RPUSD2: variants seen among roughly 807,000 people sequenced by gnomAD.
The protein encoded by RPUSD2 is RNA pseudouridine synthase domain containing 2, also known as pseudouridylate synthase RPUSD2.
In RPUSD2, 31 loss-of-function variants were observed where a neutral mutation model predicts 41.5. The ratio of observed to expected loss-of-function variants is 0.75; its 90% CI spans 0.56 to 1.01. The LOEUF (loss-of-function observed/expected upper bound fraction) is 1.01, where lower values mean the gene tolerates loss of function less well. Ranked by LOEUF, RPUSD2 falls within the 50% of genes least tolerant of loss-of-function variation. The pLI is 0.00. For synonymous variants in RPUSD2, 305 were observed against 289.7 expected (o/e 1.05, Z -0.54); for missense variants, 749 against 724.7 (o/e 1.03, Z -0.38).
rs771102593 is a variant in RPUSD2 at position 40,573,516 on chromosome 15, C to A, written c.904-11C>A. The A allele has an allele frequency of 1.2e-6, 2 of 1,603,420 alleles. No individual in the cohort carries two copies. The highest frequency in any genetic ancestry group is 1.3e-5 in the African/African-American group (1 of 74,880). ...TTTGTACTGACTTTCTCCCTCTTCC[C>A]TCCTATGTAGCTGGAGAAGGAGTAC... On this transcript the variant is annotated splice_polypyrimidine_tract_variant and intron_variant, in intron 2 of 2. Coordinates refer to ENST00000315616, the MANE Select transcript of RPUSD2 (RefSeq NM_152260.3).
At position 40,574,484 on chromosome 15, in the gene RPUSD2, G is replaced by C; in HGVS notation, c.*223G>C. The C allele has an allele frequency of 6.8e-6, 3 of 443,684 alleles. No homozygotes were observed. Among genetic ancestry groups the C allele is most frequent in the Non-Finnish European group, 1.2e-5 (3 of 252,584 alleles). The allele number at this position is 443,684 out of a possible 1,614,324, so 27.5% of individuals were successfully genotyped here. On this transcript the variant is annotated 3_prime_UTR_variant, in exon 3 of 3. Transcript: ENST00000315616. The stretch of plus-strand genomic sequence containing the variant: ...CATCTTTGATGTCTGGTTTTCTTCC[G>C]GCTTCTTTTTTATTACTGATGTAAA...
intron 2 of RPUSD2, among the ~76,000 whole-genome samples, chr15:40,572,723 C>T (rs189272345): frequency 5.4e-4 from 82 of 152,282 alleles, no homozygotes; most frequent in African/African-American, 1.9e-3. Flanking sequence ...TAGAACAAGA[C>T]TCCGTCTCAA....
rs765159787 is a variant in RPUSD2, at chr15:40,573,875, G to A, written c.1252G>A (p.Glu418Lys). 1.2e-6 allele frequency: 2 copies of A among 1,614,182 alleles called. No homozygotes were observed. The highest frequency in any genetic ancestry group is 2.2e-5 in the South Asian group (2 of 91,086). ...NEELLRDLVAEHQAKQSLDVL... is the reference protein window; with the variant it reads ...NEELLRDLVAKHQAKQSLDVL... Reference sequence around the variant, plus strand: ...GGAGTTGCTACGGGACCTGGTAGCAGAGCACCAGGCCAAACAGAGCCTGGA... The same window carrying A: ...GGAGTTGCTACGGGACCTGGTAGCAAAGCACCAGGCCAAACAGAGCCTGGA... Residue 418 changes from glutamate (E) to lysine (K), a missense_variant, in exon 3 of 3, where the codon GAG becomes AAG. Physicochemically the swap from Glu to Lys is moderately conservative, Grantham distance 56. Transcript: ENST00000315616.
Position 40,569,857 on chromosome 15 carries a change from C to A in RPUSD2, c.520C>A (p.Pro174Thr). The A allele has an allele frequency of 6.2e-7, 1 of 1,610,716 alleles. No individual in the cohort carries two copies. Among genetic ancestry groups the A allele is most frequent in the Non-Finnish European group, 8.5e-7 (1 of 1,178,802 alleles). Residue 174 changes from proline to threonine, a missense_variant, in exon 1 of 3, where the codon CCC becomes ACC. Coordinates refer to ENST00000315616, the MANE Select transcript of RPUSD2 (RefSeq NM_152260.3). ...HVFSTEFRAQ[P>T]LAYYEAAVRA... ...CTTCAGTACCGAGTTCCGAGCTCAG[C>A]CCCTGGCCTACTATGAGGCCGCGGT...
At position 40,569,550 on chromosome 15, in the gene RPUSD2, C is replaced by T. The variant is rs1891087650; in HGVS notation, c.213C>T (p.Pro71=). Residue 71 remains proline, a synonymous_variant, in exon 1 of 3, where the codon CCC becomes CCT. Transcript: ENST00000315616. The part of the protein sequence containing the change: ...GDAKVELSPG[P]PKPAGREVEP... Reference sequence around the variant, plus strand: ...CGAAGGTTGAGCTGTCCCCCGGGCCCCCGAAGCCGGCTGGCCGGGAAGTGG... The same window carrying T: ...CGAAGGTTGAGCTGTCCCCCGGGCCTCCGAAGCCGGCTGGCCGGGAAGTGG... 6.5e-7 allele frequency: 1 copy of T among 1,535,556 alleles called. No homozygotes were observed. The highest frequency in any genetic ancestry group is 1.4e-5 in the African/African-American group (1 of 72,530).
At chr15:40,572,036 G>GATAT in intron 2 of RPUSD2, 136 bp downstream of exon 2, 1 of 914,480 alleles carries the variant, frequency 1.1e-6, no homozygotes, top group African/African-American at 1.7e-5. Context: ...CTTAAGGCAG[G>GATAT]TCAACACCTA....
At chr15:40,570,140 T>C in intron 1 of RPUSD2, 197 bp downstream of exon 1, 1 of 666,212 alleles carries the variant, frequency 1.5e-6, no homozygotes, top group East Asian at 3.0e-5. Flanking sequence ...GTGTCTGTGC[T>C]TCAGGACTCA....
rs1232521434 is a variant in RPUSD2 at position 40,573,938 on chromosome 15, C to T, written c.1315C>T (p.Leu439Phe). The change falls in exon 3 of 3, where the codon CTC (leucine) becomes TTC (phenylalanine). Residue 439 changes from leucine (L) to phenylalanine (F), a missense_variant. By Grantham distance (22) the Leu-to-Phe change is conservative. Coordinates refer to ENST00000315616, the MANE Select transcript of RPUSD2 (RefSeq NM_152260.3). ...DLCEGDLSPGLTDSTAPSSEL... is the reference protein window; with the variant it reads ...DLCEGDLSPGFTDSTAPSSEL... ...CTGTGAGGGTGACCTGTCCCCAGGA[C>T]TCACAGACTCTACGGCCCCCTCCTC... 2 of 1,614,150 alleles carry T rather than the reference C, an allele frequency of 1.2e-6. No individual in the cohort carries two copies. Among genetic ancestry groups the T allele is most frequent in the Admixed American group, 1.7e-5 (1 of 60,022 alleles).
rs760943228 is a variant in RPUSD2, at chr15:40,571,690, T to C, written c.693T>C (p.Asp231=). ...TTCGCCTGCTAGCTGAGAACGAAGATGTGGTGGTTGTAGACAAGCCTTCCT... is the reference window on the plus strand; with the variant it reads ...TTCGCCTGCTAGCTGAGAACGAAGACGTGGTGGTTGTAGACAAGCCTTCCT... ...EPIRLLAENE[D]VVVVDKPSSI... is the part of the protein sequence containing the mutation. The change falls in exon 2 of 3, where the codon GAT becomes GAC. Residue 231 remains aspartate (D), a synonymous_variant. Transcript: ENST00000315616. 140 of 1,614,102 alleles carry C rather than the reference T, an allele frequency of 8.7e-5. No individual in the cohort carries two copies. The highest frequency in any genetic ancestry group is 1.2e-4 in the Non-Finnish European group (138 of 1,180,042).
At position 40,569,917 on chromosome 15, in the gene RPUSD2, G is replaced by A. The variant is rs1891102673; in HGVS notation, c.580G>A (p.Val194Met). The A allele has an allele frequency of 6.4e-7, 1 of 1,558,198 alleles. No homozygotes were observed. Residue 194 changes from valine to methionine, a missense_variant, in exon 1 of 3, where the codon GTG becomes ATG. Val to Met is a conservative substitution (Grantham distance 21). Transcript: ENST00000315616. ...AGRLQLNEKP[V>M]QDLNIVLKDN... is the part of the protein sequence containing the mutation. ...CCGCCTGCAACTCAACGAGAAGCCGGTGCAGGACCTCAACATCGTGCTCAA... is the reference window on the plus strand; with the variant it reads ...CCGCCTGCAACTCAACGAGAAGCCGATGCAGGACCTCAACATCGTGCTCAA...
At chr15:40,570,924 G>T (rs566045779) in intron 1 of RPUSD2, among the ~76,000 whole-genome samples, 1 of 151,854 alleles carries the variant, frequency 6.6e-6, no homozygotes, top group Non-Finnish European at 1.5e-5. Context: ...AGTTTTGTTT[G>T]TTCAAGATCG....
chr15:40,573,956 C>G lies in RPUSD2; in HGVS notation c.1333C>G (p.Pro445Ala). 6.2e-7 allele frequency: 1 copy of G among 1,614,140 alleles called. No homozygotes were observed. The highest frequency in any genetic ancestry group is 8.5e-7 in the Non-Finnish European group (1 of 1,180,030). Residue 445 changes from proline (P) to alanine (A), a missense_variant, in exon 3 of 3, where the codon CCC (proline) becomes GCC (alanine). Pro to Ala is a conservative substitution (Grantham distance 27). Coordinates refer to ENST00000315616, the MANE Select transcript of RPUSD2 (RefSeq NM_152260.3). Reference sequence around the variant, plus strand: ...CCCAGGACTCACAGACTCTACGGCCCCCTCCTCAGAGTTGGGCAAGGACGA... The same window carrying G: ...CCCAGGACTCACAGACTCTACGGCCGCCTCCTCAGAGTTGGGCAAGGACGA... Reference protein sequence around the residue: ...LSPGLTDSTAPSSELGKDDLE... With the variant: ...LSPGLTDSTAASSELGKDDLE...
In RPUSD2 at chr15:40,569,835, C is replaced by T. The variant is rs751887932; in HGVS notation, c.498C>T (p.Phe166=). The part of the protein sequence containing the change: ...RWVGHSLLHV[F]STEFRAQPLA... Reference sequence around the variant, plus strand: ...TGGGCCACAGCTTGCTGCACGTCTTCAGTACCGAGTTCCGAGCTCAGCCCC... The same window carrying T: ...TGGGCCACAGCTTGCTGCACGTCTTTAGTACCGAGTTCCGAGCTCAGCCCC... Residue 166 remains phenylalanine (F), a synonymous_variant, in exon 1 of 3, where the codon TTC becomes TTT. Transcript: ENST00000315616. 6.2e-7 allele frequency: 1 copy of T among 1,612,930 alleles called. No individual in the cohort carries two copies. Among genetic ancestry groups the T allele is most frequent in the East Asian group, 2.2e-5 (1 of 44,852 alleles).
At position 40,574,427 on chromosome 15, in the gene RPUSD2, T is replaced by G. The variant is rs1891213408; in HGVS notation, c.*166T>G. 2 of 763,382 alleles carry G rather than the reference T, an allele frequency of 2.6e-6. No individual in the cohort carries two copies. The highest frequency in any genetic ancestry group is 4.0e-6 in the Non-Finnish European group (2 of 497,416). 47.3% of individuals were successfully genotyped at this position (763,382 alleles called of 1,614,324 possible). A position where few individuals can be genotyped will look rare whatever the true frequency, so the allele number is the denominator to read the frequency against. On this transcript the variant is annotated 3_prime_UTR_variant, in exon 3 of 3. Transcript: ENST00000315616. The stretch of plus-strand genomic sequence containing the variant: ...CTCCTTCCAGTGGGAATTTGGAGAC[T>G]TTTTGGTTTGTAAATATATCCCTTT...
At chr15:40,570,039 T>C in intron 1 of RPUSD2, 96 bp downstream of exon 1, 1 of 1,398,972 alleles carries the variant, frequency 7.1e-7, no homozygotes, top group Non-Finnish European at 9.4e-7. Flanking sequence ...AAAGCATAGG[T>C]ACTGGATTAA....
chr15:40,570,076 G>C, intron 1 of RPUSD2, 133 bp downstream of exon 1: 1 of 1,256,148 alleles, frequency 8.0e-7, no homozygotes, highest in South Asian at 1.7e-5. Context: ...AAGCGTTCTC[G>C]CTTTCATTTG....
chr15:40,573,181 C>T (rs1157112573), intron 2 of RPUSD2, among the ~76,000 whole-genome samples: 1 of 152,020 alleles, frequency 6.6e-6, no homozygotes, highest in Non-Finnish European at 1.5e-5. Context: ...TGCGCCACCA[C>T]GCCTGGCTAA....
Position 40,571,668 on chromosome 15 carries a change from G to A in RPUSD2, c.671G>A (p.Arg224His), listed in dbSNP as rs556912818. Residue 224 changes from arginine (R) to histidine (H), a missense_variant, in exon 2 of 3, where the codon CGC becomes CAC. By Grantham distance (29) the Arg-to-His change is conservative (BLOSUM62 0). Transcript: ENST00000315616. ...HEPPVTAEPIRLLAENEDVVV... is the reference protein window; with the variant it reads ...HEPPVTAEPIHLLAENEDVVV... Reference sequence around the variant, plus strand: ...CCACCAGTCACAGCAGAGCCCATTCGCCTGCTAGCTGAGAACGAAGATGTG... The same window carrying A: ...CCACCAGTCACAGCAGAGCCCATTCACCTGCTAGCTGAGAACGAAGATGTG... The A allele has an allele frequency of 3.5e-5, 56 of 1,614,100 alleles. No homozygotes were observed. Among genetic ancestry groups the A allele is most frequent in the Admixed American group, 2.2e-4 (13 of 60,014 alleles).
rs768904270 is a variant in RPUSD2 at position 40,571,800 on chromosome 15, A to G, written c.803A>G (p.His268Arg). Reference protein sequence around the residue: ...LGKEHQLKELHPLHRLDRLTS... With the variant: ...LGKEHQLKELRPLHRLDRLTS... ...AAGGAGCACCAACTCAAGGAGCTAC[A>G]CCCCTTGCATCGGCTTGACCGCCTT... Residue 268 changes from histidine to arginine, a missense_variant, in exon 2 of 3, where the codon CAC becomes CGC. Physicochemically the swap from His to Arg is conservative, Grantham distance 29 (BLOSUM62 0). Transcript: ENST00000315616. 1 of 1,614,068 alleles carries G rather than the reference A, an allele frequency of 6.2e-7. No homozygotes were observed. Among genetic ancestry groups the G allele is most frequent in the Non-Finnish European group, 8.5e-7 (1 of 1,180,036 alleles).
Sources: allele counts gnomAD v4.1 joint callset (sites outside exome capture counted in the v4.1 genomes callset), GRCh38; gene constraint gnomAD v4.1.1; transcripts MANE v1.5; gene names NCBI Gene and HGNC (gene_info 2026-07-23, HGNC 2026-07-21).